Variants in GPC5 observed in about 807,000 individuals in gnomAD.
GPC5 encodes glypican-5.
Under a neutral mutation model 53.9 loss-of-function variants are expected in GPC5, and 47 were observed. The observed-to-expected ratio is 0.87, with a 90% CI of 0.69 to 1.11. The LOEUF is 1.11. GPC5 is among the 50% of genes most tolerant of loss of function. GPC5 has a pLI of 0.00. For synonymous variants in GPC5, 286 were observed against 263.3 expected (o/e 1.09, Z -0.84); for missense variants, 748 against 713.1 (o/e 1.05, Z -0.56).
intron 5 of GPC5, among the ~76,000 whole-genome samples, chr13:91,878,865 T>A (rs1307107473): frequency 6.6e-6 from 1 of 152,120 alleles, no homozygotes; most frequent in Admixed American, 6.6e-5. Flanking sequence ...GACTAATACA[T>A]TGAGAATCGA....
chr13:91,552,019 G>T (rs1294964142), intron 2 of GPC5, among the ~76,000 whole-genome samples: 2 of 151,976 alleles, frequency 1.3e-5, no homozygotes, highest in African/African-American at 2.4e-5. Context: ...AAGTAATATT[G>T]GATGTGAAGT....
At chr13:92,047,442 AT>A (rs147815852) in intron 6 of GPC5, among the ~76,000 whole-genome samples, 2,206 of 99,888 alleles carry the variant, frequency 0.022, 54 homozygotes, top group African/African-American at 0.065. Context: ...ATATATATAT[AT>A]TTTTTTTTCC....
intron 2 of GPC5, among the ~76,000 whole-genome samples, chr13:91,546,817 T>G (rs1374719386): frequency 6.6e-6 from 1 of 152,114 alleles, no homozygotes; most frequent in African/African-American, 2.4e-5. Context: ...GTGATCACTT[T>G]GCCTTTAAAA....
chr13:92,613,769 G>T (rs1243914844), intron 7 of GPC5, among the ~76,000 whole-genome samples: 2 of 148,064 alleles, frequency 1.4e-5, no homozygotes, highest in East Asian at 3.9e-4. Flanking sequence ...GAGGCAGGAG[G>T]CTCACTTGAG....
intron 7 of GPC5, among the ~76,000 whole-genome samples, chr13:92,168,321 A>C (rs960904413): frequency 6.6e-6 from 1 of 152,224 alleles, no homozygotes; most frequent in East Asian, 1.9e-4. Flanking sequence ...TTGCAACAAA[A>C]GCAAAAATTG....
At chr13:92,152,379 A>AT (rs1472961586) in intron 7 of GPC5, among the ~76,000 whole-genome samples, 2 of 152,298 alleles carry the variant, frequency 1.3e-5, no homozygotes, top group African/African-American at 2.4e-5. Context: ...TCTTCAAGTG[A>AT]TTTTTTTGTG....
intron 2 of GPC5, among the ~76,000 whole-genome samples, chr13:91,588,256 G>C (rs1303801461): frequency 6.6e-6 from 1 of 152,040 alleles, no homozygotes; most frequent in South Asian, 2.1e-4. Context: ...CCTCAAATTT[G>C]TACCCTATGA....
chr13:92,582,218 T>C (rs185976454), intron 7 of GPC5, among the ~76,000 whole-genome samples: 16 of 152,306 alleles, frequency 1.1e-4, no homozygotes, highest in Admixed American at 2.0e-4. Context: ...AGTTGACTTT[T>C]GTATTTGGTG....
chr13:92,506,263 A>G (rs926159690), intron 7 of GPC5, among the ~76,000 whole-genome samples: 1 of 152,176 alleles, frequency 6.6e-6, no homozygotes, highest in Non-Finnish European at 1.5e-5. Flanking sequence ...TCATTATAGG[A>G]ACACACACTT....
intron 1 of GPC5, among the ~76,000 whole-genome samples, chr13:91,434,993 G>A (rs1276925415): frequency 2.0e-5 from 3 of 152,118 alleles, no homozygotes; most frequent in African/African-American, 4.8e-5. Flanking sequence ...CTGTTTGTCC[G>A]TTATTGGTGT....
At chr13:92,692,044 T>A (rs568634006) in intron 7 of GPC5, among the ~76,000 whole-genome samples, 4 of 152,158 alleles carry the variant, frequency 2.6e-5, no homozygotes, top group Non-Finnish European at 5.9e-5. Context: ...CCCCATCTAA[T>A]AGTCTTCAGT....
intron 3 of GPC5, among the ~76,000 whole-genome samples, chr13:91,716,766 G>A (rs1215275712): frequency 6.6e-6 from 1 of 152,190 alleles, no homozygotes; most frequent in Non-Finnish European, 1.5e-5. Context: ...AAACTTACAA[G>A]GTCTCCATGC....
intron 2 of GPC5, among the ~76,000 whole-genome samples, chr13:91,559,169 A>T (rs2031121639): frequency 6.6e-6 from 1 of 152,130 alleles, no homozygotes; most frequent in Non-Finnish European, 1.5e-5. Context: ...GGAAACTGGG[A>T]TGCCAGAAAT....
chr13:91,655,848 G>T lies in GPC5; in HGVS notation c.326-37339G>T, dbSNP rs79659968. ...ACCTGCTAGTCTGTCAGGAGAGACT[G>T]GTATCCGGTGTTCAACTCCCAGAGG... On this transcript the variant is annotated intron_variant, in intron 2 of 7. Transcript: ENST00000377067. Among the ~76,000 whole-genome samples the T allele has an allele frequency of 7.7e-4, 117 of 152,206 alleles. 1 individual carries two copies. The highest frequency in any genetic ancestry group is 2.7e-3 in the African/African-American group (111 of 41,564).
At chr13:92,367,865 G>T (rs570109462) in intron 7 of GPC5, among the ~76,000 whole-genome samples, 1 of 152,130 alleles carries the variant, frequency 6.6e-6, no homozygotes, top group East Asian at 1.9e-4. Flanking sequence ...AAATGAGGAC[G>T]GTGCAGGTGG....
At chr13:91,537,962 G>A (rs1015515952) in intron 2 of GPC5, among the ~76,000 whole-genome samples, 1 of 152,080 alleles carries the variant, frequency 6.6e-6, no homozygotes, top group Non-Finnish European at 1.5e-5. Context: ...ATAGCCCCAA[G>A]GTGGAAACAA....
At chr13:92,815,467 A>T (rs2138803695) in intron 7 of GPC5, among the ~76,000 whole-genome samples, 1 of 151,940 alleles carries the variant, frequency 6.6e-6, no homozygotes, top group South Asian at 2.1e-4. Flanking sequence ...TAATCAGAGG[A>T]GAAAATTGTG....
intron 7 of GPC5, among the ~76,000 whole-genome samples, chr13:92,291,273 G>A (rs1226089480): frequency 1.3e-5 from 2 of 152,152 alleles, no homozygotes; most frequent in East Asian, 3.9e-4. Flanking sequence ...CTGCCGCCCT[G>A]TGCAGGATCC....
At chr13:92,587,417 G>A (rs1402834131) in intron 7 of GPC5, among the ~76,000 whole-genome samples, 2 of 152,148 alleles carry the variant, frequency 1.3e-5, no homozygotes, top group South Asian at 2.1e-4. Context: ...AGGTTTACAA[G>A]TAAATGTCAT....
Sources: gnomAD v4.1 joint callset for allele counts (sites outside exome capture counted in the v4.1 genomes callset) on GRCh38, gnomAD v4.1.1 for gene constraint, MANE v1.5 for transcripts, NCBI Gene and HGNC (gene_info 2026-07-23, HGNC 2026-07-21) for gene names.